Variants in SUGCT observed in about 807,000 individuals in gnomAD.
SUGCT encodes succinyl-CoA:glutarate CoA-transferase.
SUGCT carries 41 observed loss-of-function variants against 55.0 expected under a neutral mutation model. The ratio of observed to expected loss-of-function variants is 0.74; its 90% CI spans 0.58 to 0.97. SUGCT has a LOEUF of 0.97. Among genes scored for constraint, SUGCT ranks in the 50% least tolerant of loss-of-function variants. SUGCT has a pLI of 0.00. For synonymous variants in SUGCT, 187 were observed against 200.4 expected (o/e 0.93, Z 0.56); for missense variants, 568 against 547.8 (o/e 1.04, Z -0.37).
At chr7:40,313,816 TC>T (rs1394491192) in intron 8 of SUGCT, among the ~76,000 whole-genome samples, 5 of 151,772 alleles carry the variant, frequency 3.3e-5, no homozygotes, top group Non-Finnish European at 7.4e-5. Flanking sequence ...GGTCTCGAAC[TC>T]CTGGGCTCAA....
intron 11 of SUGCT, among the ~76,000 whole-genome samples, chr7:40,464,771 G>A (rs1385186810): frequency 6.6e-6 from 1 of 152,202 alleles, no homozygotes; most frequent in Admixed American, 6.5e-5. Context: ...TTTTTCCAGG[G>A]TAGCCATATA....
intron 8 of SUGCT, among the ~76,000 whole-genome samples, chr7:40,289,216 C>CT (rs1793563559): frequency 6.6e-6 from 1 of 150,758 alleles, no homozygotes; most frequent in Admixed American, 6.6e-5. Flanking sequence ...CCTAATGAAA[C>CT]TAAAAAAAAA....
At chr7:40,749,762 G>A (rs1357788061) in intron 13 of SUGCT, among the ~76,000 whole-genome samples, 2 of 152,146 alleles carry the variant, frequency 1.3e-5, no homozygotes, top group Non-Finnish European at 2.9e-5. Context: ...GTGTAATCAC[G>A]TGCTCACAAA....
chr7:40,632,957 G>A (rs1454402307), intron 12 of SUGCT, among the ~76,000 whole-genome samples: 1 of 152,106 alleles, frequency 6.6e-6, no homozygotes, highest in Non-Finnish European at 1.5e-5. Context: ...TAAAAGTCAA[G>A]CCATGTTGGT....
intron 9 of SUGCT, among the ~76,000 whole-genome samples, chr7:40,430,813 G>C (rs1479968168): frequency 2.6e-5 from 4 of 151,794 alleles, no homozygotes; most frequent in Admixed American, 6.6e-5. Context: ...TTTTTTCAGG[G>C]ATAAGATAAT....
intron 12 of SUGCT, among the ~76,000 whole-genome samples, chr7:40,684,420 T>A (rs1348029652): frequency 2.6e-5 from 4 of 152,196 alleles, no homozygotes; most frequent in East Asian, 1.9e-4. Context: ...TGTAATTTTT[T>A]AAAACATTTT....
At chr7:40,266,396 G>A (rs1285254825) in intron 7 of SUGCT, among the ~76,000 whole-genome samples, 2 of 151,452 alleles carry the variant, frequency 1.3e-5, no homozygotes, top group African/African-American at 4.8e-5. Flanking sequence ...TGATCTGCCC[G>A]CCTCGGCCTC....
intron 6 of SUGCT, among the ~76,000 whole-genome samples, chr7:40,202,470 CATGT>C (rs1386212992): frequency 2.6e-5 from 4 of 152,118 alleles, no homozygotes; most frequent in Non-Finnish European, 5.9e-5. Flanking sequence ...CACATGCATG[CATGT>C]GTCTGCATGT....
intron 12 of SUGCT, among the ~76,000 whole-genome samples, chr7:40,669,627 C>CA (rs370507947): frequency 0.017 from 2,466 of 142,390 alleles, 35 homozygotes; most frequent in Middle Eastern, 0.062. Flanking sequence ...ATACAATAAC[C>CA]AAAAAAAAAA....
intron 8 of SUGCT, among the ~76,000 whole-genome samples, chr7:40,290,154 A>G (rs1319532306): frequency 1.3e-5 from 2 of 152,096 alleles, no homozygotes; most frequent in Non-Finnish European, 2.9e-5. Flanking sequence ...GGAAAAAACT[A>G]CTTTAAAGTT....
At chr7:40,889,702 C>T in the SUGCT span, among the ~76,000 whole-genome samples, 1 of 152,156 alleles carries the variant, frequency 6.6e-6, no homozygotes. Flanking sequence ...CTTCCTTTGA[C>T]TTATTAATAT....
intron 5 of SUGCT, among the ~76,000 whole-genome samples, chr7:40,193,281 T>TTTTG (rs1562566704): frequency 1.4e-5 from 1 of 69,812 alleles, no homozygotes; most frequent in African/African-American, 5.9e-5. Flanking sequence ...AATTACTGTG[T>TTTTG]TTTTTTTTTT....
At chr7:40,725,600 T>C (rs1786574213) in intron 12 of SUGCT, among the ~76,000 whole-genome samples, 1 of 151,714 alleles carries the variant, frequency 6.6e-6, no homozygotes, top group Non-Finnish European at 1.5e-5. Flanking sequence ...CTTTTCACTC[T>C]CTTTTAACTA....
At chr7:40,485,758 A>C (rs778598809) in intron 11 of SUGCT, among the ~76,000 whole-genome samples, 2 of 152,000 alleles carry the variant, frequency 1.3e-5, no homozygotes, top group Admixed American at 6.6e-5. Flanking sequence ...TCATGAAGGG[A>C]TGTTGAGTTT....
At chr7:40,854,829 T>C (rs1237784348) in intron 13 of SUGCT, among the ~76,000 whole-genome samples, 2 of 151,904 alleles carry the variant, frequency 1.3e-5, no homozygotes, top group Non-Finnish European at 2.9e-5. Context: ...CTACCTACTT[T>C]TGAAGCTAAA....
chr7:40,382,592 T>A (rs1419023950), intron 9 of SUGCT, among the ~76,000 whole-genome samples: 4 of 152,214 alleles, frequency 2.6e-5, no homozygotes, highest in Non-Finnish European at 4.4e-5. Context: ...TAGTGCTAAC[T>A]AGAATGTCTT....
At chr7:40,627,788 C>T (rs1799593633) in intron 12 of SUGCT, among the ~76,000 whole-genome samples, 1 of 152,072 alleles carries the variant, frequency 6.6e-6, no homozygotes, top group Non-Finnish European at 1.5e-5. Flanking sequence ...CAGTGTGAAA[C>T]AGCCTTAGGT....
At chr7:40,495,204 G>A (rs1018900548) in intron 11 of SUGCT, among the ~76,000 whole-genome samples, 4 of 150,260 alleles carry the variant, frequency 2.7e-5, no homozygotes, top group Admixed American at 6.6e-5. Flanking sequence ...GAGCCACCAC[G>A]CCCGGCTGAA....
chr7:40,557,296 A>G (rs1053425406), intron 12 of SUGCT, among the ~76,000 whole-genome samples: 1 of 152,230 alleles, frequency 6.6e-6, no homozygotes, highest in Non-Finnish European at 1.5e-5. Context: ...CACATGCAAA[A>G]GCATGAAATT....
Sources: allele counts gnomAD v4.1 joint callset (sites outside exome capture counted in the v4.1 genomes callset), GRCh38; gene constraint gnomAD v4.1.1; transcripts MANE v1.5; gene names NCBI Gene and HGNC (gene_info 2026-07-23, HGNC 2026-07-21).